NSMCE2: variants seen among roughly 807,000 people sequenced by gnomAD.
The protein encoded by NSMCE2 is NSE2 SUMO ligase component of SMC5/6 complex, also known as E3 SUMO-protein ligase NSE2.
NSMCE2 carries 24 observed loss-of-function variants against 23.8 expected under a neutral mutation model. The ratio of observed to expected loss-of-function variants is 1.01; its 90% CI spans 0.73 to 1.42. The LOEUF (loss-of-function observed/expected upper bound fraction) is 1.42. Ranked by LOEUF, NSMCE2 falls within the 40% of genes most tolerant of loss-of-function variation. NSMCE2 has a pLI of 0.00. For missense variants in NSMCE2, 284 were observed against 296.5 expected (o/e 0.96, Z 0.31); for synonymous variants, 92 against 94.1 (o/e 0.98, Z 0.13).
At chr8:125,213,667 TTCTC>T (rs1040505719) in intron 5 of NSMCE2, among the ~76,000 whole-genome samples, 3 of 148,060 alleles carry the variant, frequency 2.0e-5, no homozygotes, top group Non-Finnish European at 3.0e-5. Context: ...TTCTCTCTCT[TTCTC>T]TCTTTCTCTC....
chr8:125,233,321 A>G (rs961280170), intron 5 of NSMCE2, among the ~76,000 whole-genome samples: 1 of 152,168 alleles, frequency 6.6e-6, no homozygotes, highest in African/African-American at 2.4e-5. Flanking sequence ...CATTTTTGTG[A>G]TTAATTTTTA....
At chr8:125,232,736 G>A (rs771044963) in intron 5 of NSMCE2, among the ~76,000 whole-genome samples, 1 of 151,872 alleles carries the variant, frequency 6.6e-6, no homozygotes, top group African/African-American at 2.4e-5. Flanking sequence ...TTATGTTATC[G>A]TAAAGCCAAC....
At chr8:125,346,087 G>T (rs1354273697) in intron 5 of NSMCE2, among the ~76,000 whole-genome samples, 1 of 152,088 alleles carries the variant, frequency 6.6e-6, no homozygotes, top group Non-Finnish European at 1.5e-5. Context: ...AAGCCAGGAG[G>T]CAAAGGTTGC....
At chr8:125,312,293 T>G (rs958979076) in intron 5 of NSMCE2, among the ~76,000 whole-genome samples, 5 of 151,950 alleles carry the variant, frequency 3.3e-5, no homozygotes, top group Admixed American at 3.3e-4. Context: ...TAAATTTAAT[T>G]TCTCCAGTTA....
chr8:125,335,492 C>A (rs1378216156), intron 5 of NSMCE2, among the ~76,000 whole-genome samples: 2 of 152,186 alleles, frequency 1.3e-5, no homozygotes, highest in Admixed American at 1.3e-4. Context: ...GTCTGCTACA[C>A]CTTAAGCCCT....
chr8:125,202,488 G>A (rs551991817), intron 5 of NSMCE2, among the ~76,000 whole-genome samples: 2 of 152,308 alleles, frequency 1.3e-5, no homozygotes, highest in South Asian at 4.1e-4. Context: ...TTCAGATAGT[G>A]GCACAACCAA....
intron 3 of NSMCE2, among the ~76,000 whole-genome samples, chr8:125,124,809 T>G (rs761729577): frequency 4.6e-5 from 7 of 151,934 alleles, no homozygotes; most frequent in Non-Finnish European, 8.8e-5. Flanking sequence ...TGTTGTTGTT[T>G]TTTGAGACAG....
chr8:125,365,166 C>T (rs1018422290), intron 7 of NSMCE2, among the ~76,000 whole-genome samples: 16 of 152,070 alleles, frequency 1.1e-4, no homozygotes, highest in African/African-American at 2.9e-4. Context: ...GCATCCATTC[C>T]AGAGGAAACA....
At chr8:125,205,229 A>G (rs1301138975) in intron 5 of NSMCE2, among the ~76,000 whole-genome samples, 1 of 152,232 alleles carries the variant, frequency 6.6e-6, no homozygotes, top group South Asian at 2.1e-4. Flanking sequence ...GAGCAAGTGC[A>G]TGTCTACAAT....
At chr8:125,120,712 C>T (rs1819224749) in intron 3 of NSMCE2, among the ~76,000 whole-genome samples, 1 of 152,200 alleles carries the variant, frequency 6.6e-6, no homozygotes, top group Non-Finnish European at 1.5e-5. Context: ...CTGCCTCAGG[C>T]ACTGGCTTTC....
At chr8:125,241,073 T>C (rs567981018) in intron 5 of NSMCE2, among the ~76,000 whole-genome samples, 1 of 152,292 alleles carries the variant, frequency 6.6e-6, no homozygotes, top group East Asian at 1.9e-4. Flanking sequence ...GCACTATTCT[T>C]ACGGGTTGAA....
Position 125,102,368 on chromosome 8 carries a change from G to A in NSMCE2, c.38G>A (p.Gly13Asp), listed in dbSNP as rs773386017. Reference protein sequence around the residue: ...GRSSSNSGSTGFISFSGVESA... With the variant: ...GRSSSNSGSTDFISFSGVESA... ...TCCAGTTCAAATTCAGGTTCAACTG[G>A]TTTCATCTCCTTCAGTGGTGTAGAG... The change falls in exon 3 of 8, where the codon GGT (glycine) becomes GAT (aspartate). Residue 13 changes from glycine (G) to aspartate (D), a missense_variant. Physicochemically the swap from Gly to Asp is moderately conservative, Grantham distance 94. This residue lies in a region of NSMCE2 where 182 missense variants were observed against 155.5 expected (regional missense o/e 1.17). Coordinates refer to ENST00000287437, the MANE Select transcript of NSMCE2 (RefSeq NM_173685.4). 6 of 1,613,764 alleles carry A rather than the reference G, an allele frequency of 3.7e-6. No homozygotes were observed. The African/African-American group carries it at 5.3e-5, about 14-fold the overall frequency.
chr8:125,269,844 A>C (rs1477280796), intron 5 of NSMCE2, among the ~76,000 whole-genome samples: 1 of 152,250 alleles, frequency 6.6e-6, no homozygotes, highest in Admixed American at 6.5e-5. Flanking sequence ...TACCAAGCTG[A>C]GAGTGTAACA....
intron 5 of NSMCE2, among the ~76,000 whole-genome samples, chr8:125,277,174 T>C (rs948972065): frequency 6.6e-6 from 1 of 152,184 alleles, no homozygotes; most frequent in Non-Finnish European, 1.5e-5. Flanking sequence ...TGGTCAGATA[T>C]CCTATCTGCT....
chr8:125,096,089 C>T (rs560982430), intron 1 of NSMCE2, among the ~76,000 whole-genome samples: 32 of 152,166 alleles, frequency 2.1e-4, no homozygotes, highest in Non-Finnish European at 4.1e-4. Context: ...GGGCCTTGAG[C>T]TCCTTCCATG....
intron 5 of NSMCE2, among the ~76,000 whole-genome samples, chr8:125,195,719 TG>T (rs913988516): frequency 2.0e-5 from 3 of 152,196 alleles, no homozygotes. Context: ...TACAGTATTT[TG>T]GGGGAAATAT....
At chr8:125,252,770 CT>C (rs1389333165) in intron 5 of NSMCE2, among the ~76,000 whole-genome samples, 1 of 152,194 alleles carries the variant, frequency 6.6e-6, no homozygotes, top group Non-Finnish European at 1.5e-5. Flanking sequence ...ATACCTTTAA[CT>C]TGTATAAGTC....
At chr8:125,158,085 C>G (rs1821417859) in intron 4 of NSMCE2, among the ~76,000 whole-genome samples, 1 of 152,128 alleles carries the variant, frequency 6.6e-6, no homozygotes, top group Admixed American at 6.6e-5. Context: ...CTTCAGAACC[C>G]ACTTTGGGAA....
intron 5 of NSMCE2, among the ~76,000 whole-genome samples, chr8:125,333,784 A>T (rs1829973426): frequency 6.6e-6 from 1 of 151,948 alleles, no homozygotes; most frequent in Admixed American, 6.6e-5. Flanking sequence ...AAGTGCTGGG[A>T]TTACAGGCGT....
Sources: allele counts gnomAD v4.1 joint callset (sites outside exome capture counted in the v4.1 genomes callset), GRCh38; gene constraint gnomAD v4.1.1; regional missense constraint gnomAD v4.1.1; transcripts MANE v1.5; gene names NCBI Gene and HGNC (gene_info 2026-07-23, HGNC 2026-07-21).